Variants in ATAD5 observed in about 807,000 individuals in gnomAD.
ATAD5 encodes the protein ATPase family AAA domain-containing protein 5.
Under a neutral mutation model 176.9 loss-of-function variants are expected in ATAD5, and 58 were observed. The observed-to-expected ratio is 0.33, with a 90% CI of 0.27 to 0.41. The LOEUF (loss-of-function observed/expected upper bound fraction) is 0.41, where lower values mean the gene tolerates loss of function less well. ATAD5 is among the 10% of genes least tolerant of loss of function. The pLI, the probability that ATAD5 is intolerant of heterozygous loss-of-function variation, is 1.00. For synonymous variants in ATAD5, 640 were observed against 712.6 expected, an observed-to-expected ratio of 0.90 and a Z score of 1.62; for missense variants, 1,789 against 2,094.1, an observed-to-expected ratio of 0.85 and a Z score of 2.84.
chr17:30,852,321 T>C (rs1408320773), intron 6 of ATAD5, among the ~76,000 whole-genome samples: 2 of 152,200 alleles, frequency 1.3e-5, no homozygotes, highest in Non-Finnish European at 2.9e-5. Flanking sequence ...TTTCTTAATT[T>C]CTGGAACAGG....
intron 18 of ATAD5, among the ~76,000 whole-genome samples, chr17:30,885,339 A>G (rs1205382944): frequency 6.6e-6 from 1 of 151,940 alleles, no homozygotes; most frequent in Non-Finnish European, 1.5e-5. Flanking sequence ...AGCCACCACA[A>G]CTGTCAGTTT....
At chr17:30,877,588 T>A in intron 16 of ATAD5, 39 bp downstream of exon 16, 1 of 1,563,566 alleles carries the variant, frequency 6.4e-7, no homozygotes, top group Non-Finnish European at 8.7e-7. Context: ...GAGCTCATGA[T>A]AAAGACTTAC....
chr17:30,869,847 A>G (rs1440800527), intron 14 of ATAD5: 5 of 568,840 alleles, frequency 8.8e-6, no homozygotes, highest in Non-Finnish European at 1.5e-5. Context: ...ATTTATCTCT[A>G]TCTGATAAGG....
chr17:30,890,235 G>A (rs1473977591), intron 19 of ATAD5, among the ~76,000 whole-genome samples: 1 of 151,662 alleles, frequency 6.6e-6, no homozygotes, highest in African/African-American at 2.4e-5. Flanking sequence ...ATTCTATTCA[G>A]TGTAAGCCCA....
In ATAD5 at chr17:30,888,594, G is replaced by C. The variant is rs1431245279; in HGVS notation, c.4258+1222G>C. On this transcript the variant is annotated intron_variant, in intron 19 of 22. Coordinates refer to ENST00000321990, the MANE Select transcript of ATAD5 (RefSeq NM_024857.5). ...AGTAAATAGAATTAAACTGGATCTAGAAAGTTGGATTTTTTTCCTGGCTAT... is the reference window on the plus strand; with the variant it reads ...AGTAAATAGAATTAAACTGGATCTACAAAGTTGGATTTTTTTCCTGGCTAT... Among the ~76,000 whole-genome samples the C allele has an allele frequency of 3.9e-5, 6 of 152,032 alleles. No individual in the cohort carries two copies. The East Asian group carries it at 5.8e-4, about 15-fold the overall frequency.
chr17:30,868,191 A>T (rs1186194598), intron 11 of ATAD5, 142 bp from the exon 12 acceptor site: 11 of 560,742 alleles, frequency 2.0e-5, no homozygotes, highest in Non-Finnish European at 2.8e-5. Context: ...AGTAAAAATA[A>T]CAAGAAAGCC....
intron 11 of ATAD5, among the ~76,000 whole-genome samples, chr17:30,867,958 A>G (rs1383437381): frequency 8.4e-5 from 2 of 23,678 alleles, no homozygotes; most frequent in African/African-American, 3.8e-4. Context: ...TGAGTGTACT[A>G]TAATGTATTT....
intron 1 of ATAD5, among the ~76,000 whole-genome samples, 187 bp from the exon 2 acceptor site, chr17:30,833,954 TTACAGGC>T (rs1413147340): frequency 6.6e-6 from 1 of 152,178 alleles, no homozygotes; most frequent in Non-Finnish European, 1.5e-5. Flanking sequence ...AGTACTGGGA[TTACAGGC>T]GTGAGCCACC....
At chr17:30,879,290 C>G in intron 17 of ATAD5, 133 bp from the exon 18 acceptor site, 1 of 952,532 alleles carries the variant, frequency 1.0e-6, no homozygotes. Context: ...TGAGCTATGA[C>G]TGCACCACAG....
chr17:30,864,789 A>G (rs1907872571), intron 10 of ATAD5: 1 of 152,214 alleles, frequency 6.6e-6, no homozygotes, highest in South Asian at 2.1e-4. Flanking sequence ...AATAGCCTCC[A>G]GCTGCAACCA....
intron 2 of ATAD5, 46 bp downstream of exon 2, chr17:30,836,094 A>G: frequency 6.9e-7 from 1 of 1,448,446 alleles, no homozygotes; most frequent in African/African-American, 1.4e-5. Flanking sequence ...TGCATGTATT[A>G]TTAGCTGGGG....
intron 10 of ATAD5, among the ~76,000 whole-genome samples, chr17:30,861,212 C>T (rs1454746914): frequency 7.5e-6 from 1 of 133,000 alleles, no homozygotes; most frequent in African/African-American, 2.7e-5. Flanking sequence ...CCCTCCCCGC[C>T]CTTGGCCTCC....
At chr17:30,865,894 T>G in intron 11 of ATAD5, 94 bp downstream of exon 11, 2 of 664,886 alleles carry the variant, frequency 3.0e-6, no homozygotes, top group Non-Finnish European at 4.6e-6. Flanking sequence ...ATATATCTCA[T>G]GATAAAATCT....
chr17:30,844,996 G>C, intron 6 of ATAD5, 80 bp downstream of exon 6: 1 of 1,230,200 alleles, frequency 8.1e-7, no homozygotes, highest in Non-Finnish European at 1.1e-6. Context: ...TGATGAGAAA[G>C]CATGTGAATT....
intron 6 of ATAD5, among the ~76,000 whole-genome samples, chr17:30,849,924 G>C (rs979241483): frequency 2.6e-5 from 4 of 152,088 alleles, no homozygotes; most frequent in Non-Finnish European, 5.9e-5. Context: ...TGTTGTATTG[G>C]TATAAGAACA....
intron 1 of ATAD5, 137 bp downstream of exon 1, chr17:30,832,550 T>C (rs944822694): frequency 1.2e-6 from 1 of 814,016 alleles, no homozygotes; most frequent in African/African-American, 1.8e-5. Flanking sequence ...TGTGACACAT[T>C]GTGTGCAACA....
In ATAD5 at chr17:30,856,828, C is replaced by T. The variant is rs983261709; in HGVS notation, c.2636-127C>T. ...GGTAGGATTTTGTTCCCTTTATAGT[C>T]ATGTGGTTTTTGGTATGTTTGTGTT... On this transcript the variant is annotated intron_variant, in intron 7 of 22. Coordinates refer to ENST00000321990, the MANE Select transcript of ATAD5 (RefSeq NM_024857.5). The T allele has an allele frequency of 1.4e-5, 11 of 812,720 alleles. No homozygotes were observed. The African/African-American group carries it at 1.8e-4, about 13-fold the overall frequency. The allele number at this position is 812,720 out of a possible 1,614,324, so 50.3% of individuals were successfully genotyped here.
chr17:30,869,877 T>C, intron 14 of ATAD5: 1 of 474,112 alleles, frequency 2.1e-6, no homozygotes, highest in Non-Finnish European at 3.7e-6. Flanking sequence ...AAAGCATAAC[T>C]ATAATATCGT....
chr17:30,834,272 A>G lies in ATAD5; in HGVS notation c.191A>G (p.Asp64Gly), dbSNP rs1191718554. The G allele has an allele frequency of 6.2e-7, 1 of 1,613,764 alleles. No individual in the cohort carries two copies. Among genetic ancestry groups the G allele is most frequent in the Non-Finnish European group, 8.5e-7 (1 of 1,179,884 alleles). Residue 64 changes from aspartate (D) to glycine (G), a missense_variant, in exon 2 of 23, where the codon GAT becomes GGT. Transcript: ENST00000321990. ...CCACCAAAACCTAGTAATATTCTGG[A>G]TTATTTTAGAAAGACTTCACCCACA... is the stretch of plus-strand genomic sequence containing the variant. ...FAPPKPSNIL[D>G]YFRKTSPTNE...
Sources: allele counts gnomAD v4.1 joint callset (sites outside exome capture counted in the v4.1 genomes callset), GRCh38; gene constraint gnomAD v4.1.1; transcripts MANE v1.5; gene names NCBI Gene and HGNC (gene_info 2026-07-23, HGNC 2026-07-21).